Variants in MYO7B observed in about 807,000 individuals in gnomAD.
The protein encoded by MYO7B is unconventional myosin-VIIb.
A neutral mutation model predicts 259.7 loss-of-function variants in MYO7B; 212 were observed. The ratio of observed to expected loss-of-function variants is 0.82; its 90% CI spans 0.73 to 0.91. The LOEUF (loss-of-function observed/expected upper bound fraction) is 0.91, where lower values mean the gene tolerates loss of function less well. Among genes scored for constraint, MYO7B ranks in the 40% least tolerant of loss-of-function variants. The pLI is 0.00. For synonymous variants in MYO7B, 1,197 were observed against 1,166.4 expected (o/e 1.03, Z -0.54); for missense variants, 2,732 against 2,813.5 (o/e 0.97, Z 0.66).
chr2:127,596,978 C>T (rs867672660), intron 19 of MYO7B, among the ~76,000 whole-genome samples: 3 of 152,236 alleles, frequency 2.0e-5, no homozygotes, highest in Non-Finnish European at 2.9e-5. Flanking sequence ...GGATCAGCAG[C>T]GCTGCTGCCT....
chr2:127,614,446 T>C lies in MYO7B; in HGVS notation c.3398+1843T>C, dbSNP rs118127301. Among the ~76,000 whole-genome samples the C allele has an allele frequency of 4.5e-4, 69 of 152,260 alleles. 3 individuals are homozygous for C. The East Asian group carries it at 8.9e-3, about 20-fold the overall frequency. On this transcript the variant is annotated intron_variant, in intron 26 of 47. Transcript: ENST00000409816. This position sits in a 1 kb window ranked among gnomAD's most constrained non-coding sequence, Gnocchi z 4.6. ...GTACATGTACAGCTCCCATCTCCTG[T>C]CCTCTCTCCTCCTTGCCCATCAGGA... is the stretch of plus-strand genomic sequence containing the variant.
intron 1 of MYO7B, among the ~76,000 whole-genome samples, chr2:127,536,325 G>A (rs573536662): frequency 1.3e-5 from 2 of 152,192 alleles, no homozygotes; most frequent in Non-Finnish European, 2.9e-5. Flanking sequence ...TGGAAGCGAA[G>A]GTGCCCACGG....
intron 12 of MYO7B, among the ~76,000 whole-genome samples, chr2:127,583,146 T>A (rs17340371): frequency 0.063 from 9,611 of 152,292 alleles, 450 homozygotes; most frequent in Non-Finnish European, 0.09. Flanking sequence ...CTGAAAGGGC[T>A]TGATGGGACA....
intron 18 of MYO7B, 142 bp from the exon 19 acceptor site, chr2:127,596,320 T>C: frequency 1.5e-6 from 1 of 656,882 alleles, no homozygotes; most frequent in Non-Finnish European, 2.8e-6. Flanking sequence ...AACATCAAGG[T>C]CACTTTGAGG....
At chr2:127,548,910 G>A (rs1693338259) in intron 1 of MYO7B, among the ~76,000 whole-genome samples, 1 of 152,054 alleles carries the variant, frequency 6.6e-6, no homozygotes, top group African/African-American at 2.4e-5. Context: ...TTATCTTTCT[G>A]TTATTGATTT....
rs554679429 is a variant in MYO7B, at chr2:127,570,594, A to G, written c.592+684A>G. Among the ~76,000 whole-genome samples the G allele has an allele frequency of 3.9e-5, 6 of 152,314 alleles. No homozygotes were observed. The South Asian group carries it at 1.0e-3, about 26-fold the overall frequency. ...AGCACAGTCTCTCTCGTTTCTTTACAACTGAAGTTTGCTTTACATATAGTA... is the reference window on the plus strand; with the variant it reads ...AGCACAGTCTCTCTCGTTTCTTTACGACTGAAGTTTGCTTTACATATAGTA... On this transcript the variant is annotated intron_variant, in intron 6 of 47. Coordinates refer to ENST00000409816, the MANE Select transcript of MYO7B (RefSeq NM_001393586.1).
chr2:127,566,498 G>A (rs1678349577), intron 4 of MYO7B, 145 bp from the exon 5 acceptor site: 1 of 726,720 alleles, frequency 1.4e-6, no homozygotes, highest in Non-Finnish European at 2.2e-6. Context: ...TGATCTCCCT[G>A]GCCCAGAATC....
intron 7 of MYO7B, among the ~76,000 whole-genome samples, chr2:127,575,235 A>G (rs1678818125): frequency 6.6e-6 from 1 of 152,246 alleles, no homozygotes; most frequent in Admixed American, 6.5e-5. Flanking sequence ...TACAGATGAG[A>G]AAACTGAGTC....
intron 26 of MYO7B, among the ~76,000 whole-genome samples, 166 bp downstream of exon 26, chr2:127,612,769 A>G (rs1201520087): frequency 2.6e-5 from 4 of 152,174 alleles, no homozygotes; most frequent in Non-Finnish European, 5.9e-5. Flanking sequence ...AGGGTTCTCT[A>G]TGTGCTCTGC....
In MYO7B at chr2:127,633,244, G is replaced by A. The variant is rs749453811; in HGVS notation, c.5406-14G>A. On this transcript the variant is annotated splice_polypyrimidine_tract_variant and intron_variant, in intron 39 of 47. Transcript: ENST00000409816. ...GGTGGGGGTGGCACCTGCAGCACACGCTGTCCCCCTCAGGACGGGGCCCCG... is the reference window on the plus strand; with the variant it reads ...GGTGGGGGTGGCACCTGCAGCACACACTGTCCCCCTCAGGACGGGGCCCCG... 21 of 1,597,216 alleles carry A rather than the reference G, an allele frequency of 1.3e-5. No individual in the cohort carries two copies. Among genetic ancestry groups the A allele is most frequent in the African/African-American group, 2.7e-5 (2 of 74,656 alleles).
At chr2:127,562,374 G>A (rs1202939945) in intron 2 of MYO7B, among the ~76,000 whole-genome samples, 1 of 151,770 alleles carries the variant, frequency 6.6e-6, no homozygotes, top group African/African-American at 2.4e-5. Context: ...ACAATTCACT[G>A]CAACCTCCAC....
At chr2:127,540,456 G>A (rs1287937519) in intron 1 of MYO7B, among the ~76,000 whole-genome samples, 7 of 152,178 alleles carry the variant, frequency 4.6e-5, no homozygotes, top group South Asian at 4.1e-4. Context: ...GAGCCACCGC[G>A]CCCAGCCGCA....
intron 26 of MYO7B, among the ~76,000 whole-genome samples, chr2:127,617,490 T>TTG (rs2105059712): frequency 8.3e-6 from 1 of 120,694 alleles, no homozygotes; most frequent in Admixed American, 7.8e-5. Flanking sequence ...TAACGGGGTT[T>TTG]TTTTTTTTTT....
At chr2:127,545,324 C>A (rs1231841797) in intron 1 of MYO7B, among the ~76,000 whole-genome samples, 1 of 152,224 alleles carries the variant, frequency 6.6e-6, no homozygotes, top group African/African-American at 2.4e-5. Flanking sequence ...CATGGGCAGG[C>A]AGGGTCATCT....
At chr2:127,599,959 G>A (rs1451471167) in intron 19 of MYO7B, among the ~76,000 whole-genome samples, 1 of 152,074 alleles carries the variant, frequency 6.6e-6, no homozygotes, top group Admixed American at 6.6e-5. Context: ...GACGTCTGAG[G>A]ATTTTTTTTC....
chr2:127,579,540 C>A (rs1349706851), intron 9 of MYO7B, among the ~76,000 whole-genome samples: 2 of 152,026 alleles, frequency 1.3e-5, no homozygotes, highest in Non-Finnish European at 1.5e-5. Context: ...GTGAAGCAGG[C>A]ACAAGAGAAT....
In MYO7B at chr2:127,635,921, C is replaced by G. The variant is rs1486602608; in HGVS notation, c.6006+14C>G. ...GAGTGGAAAAAGGTCCCTGGTCGGG[C>G]TGGGGAAGGGTTCTTGTGCTGCTGC... On this transcript the variant is annotated intron_variant, in intron 44 of 47. Coordinates refer to ENST00000409816, the MANE Select transcript of MYO7B (RefSeq NM_001393586.1). The G allele has an allele frequency of 2.6e-6, 4 of 1,557,696 alleles. No homozygotes were observed. Among genetic ancestry groups the G allele is most frequent in the African/African-American group, 2.7e-5 (2 of 73,272 alleles).
At chr2:127,601,085 A>ATTT (rs1679950448) in intron 19 of MYO7B, among the ~76,000 whole-genome samples, 1 of 152,188 alleles carries the variant, frequency 6.6e-6, no homozygotes, top group Non-Finnish European at 1.5e-5. Context: ...CCTCTGTGAA[A>ATTT]TTTAGAAGTA....
intron 18 of MYO7B, among the ~76,000 whole-genome samples, chr2:127,594,460 G>C (rs1202352349): frequency 6.6e-6 from 1 of 152,180 alleles, no homozygotes; most frequent in Non-Finnish European, 1.5e-5. Flanking sequence ...CCCAGCCCTC[G>C]AGTCGGTCTG....
Sources: allele counts gnomAD v4.1 joint callset (sites outside exome capture counted in the v4.1 genomes callset), GRCh38; gene constraint gnomAD v4.1.1; non-coding constraint Gnocchi (gnomAD v3.1); transcripts MANE v1.5; gene names NCBI Gene and HGNC (gene_info 2026-07-23, HGNC 2026-07-21).